Variants in ARRDC4 observed in about 807,000 individuals in gnomAD.
ARRDC4 encodes arrestin domain containing 4.
In ARRDC4, 40 loss-of-function variants were observed where a neutral mutation model predicts 44.6. That is an observed-to-expected ratio of 0.90 (90% confidence interval 0.70 to 1.17). The LOEUF is 1.17. ARRDC4 is among the 50% of genes most tolerant of loss of function. The pLI is 0.00. For missense variants in ARRDC4, 550 were observed against 559.1 expected (o/e 0.98, Z 0.16); for synonymous variants, 211 against 221.2 (o/e 0.95, Z 0.41).
At chr15:97,963,945 T>G (rs552525477) in intron 1 of ARRDC4, among the ~76,000 whole-genome samples, 1 of 152,272 alleles carries the variant, frequency 6.6e-6, no homozygotes, top group East Asian at 1.9e-4. Context: ...GCTCTGCTGC[T>G]ACCTTCCTGA....
rs16977774 is a variant in ARRDC4, at chr15:97,973,562, C to T, written c.*2375C>T. ...CTTCTTTAGTTTGAAAAAACAAAAACGTGGCCTTGGAATTTTCATTTTGAT... is the reference window on the plus strand; with the variant it reads ...CTTCTTTAGTTTGAAAAAACAAAAATGTGGCCTTGGAATTTTCATTTTGAT... On this transcript the variant is annotated 3_prime_UTR_variant, in exon 8 of 8. Coordinates refer to ENST00000268042, the MANE Select transcript of ARRDC4 (RefSeq NM_183376.3). 6 of 152,462 alleles carry T rather than the reference C, an allele frequency of 3.9e-5. No individual in the cohort carries two copies. The highest frequency in any genetic ancestry group is 8.8e-5 in the Non-Finnish European group (6 of 68,000). The allele number at this position is 152,462 out of a possible 1,614,324, so 9.4% of individuals were successfully genotyped here. A position where few individuals can be genotyped will look rare whatever the true frequency, so the allele number is the denominator to read the frequency against.
intron 1 of ARRDC4, among the ~76,000 whole-genome samples, chr15:97,963,074 A>G (rs1899348862): frequency 6.6e-6 from 1 of 152,240 alleles, no homozygotes; most frequent in South Asian, 2.1e-4. Flanking sequence ...GTCACCCACC[A>G]GCAGTGTGAC....
chr15:97,964,641 T>C (rs989682099), intron 1 of ARRDC4, among the ~76,000 whole-genome samples: 14 of 152,142 alleles, frequency 9.2e-5, no homozygotes, highest in Admixed American at 7.9e-4. Context: ...TGAAATAAAA[T>C]GGAGCTGGTA....
chr15:97,971,057 A>C (rs1480198195), intron 7 of ARRDC4, 74 bp from the exon 8 acceptor site: 24 of 1,499,566 alleles, frequency 1.6e-5, no homozygotes, highest in Middle Eastern at 1.7e-4. Flanking sequence ...TAACCATCAT[A>C]TAATTACAAA....
At chr15:97,969,458 T>C in intron 5 of ARRDC4, 79 bp downstream of exon 5, 1 of 1,505,044 alleles carries the variant, frequency 6.6e-7, no homozygotes, top group Non-Finnish European at 9.1e-7. Flanking sequence ...TATGTAGAGT[T>C]GCCTATAAAA....
rs754993418 is a variant in ARRDC4 at position 97,969,856 on chromosome 15, C to CTCTTTTTTTT, written c.883-26_883-25insCTTTTTTTTT. ...GTGTAGCTTACATTTGTTCCTTTCT[C>CTCTTTTTTTT]TTTTTTTTTTTTTTTTGGCTTATTA... is the stretch of plus-strand genomic sequence containing the variant. On this transcript the variant is annotated intron_variant, in intron 5 of 7. Transcript: ENST00000268042. The CTCTTTTTTTT allele has an allele frequency of 2.3e-5, 31 of 1,353,346 alleles. No homozygotes were observed. The African/African-American group carries it at 3.8e-4, about 16-fold the overall frequency. 83.8% of individuals were successfully genotyped at this position (1,353,346 alleles called of 1,614,324 possible).
Position 97,961,124 on chromosome 15 carries a change from T to A in ARRDC4, c.263T>A (p.Val88Glu). Residue 88 changes from valine (V) to glutamate (E), a missense_variant, in exon 1 of 8, where the codon GTG becomes GAG. Val to Glu is a moderately radical substitution (Grantham distance 121, BLOSUM62 -2). Transcript: ENST00000268042. Reference protein sequence around the residue: ...STAALAVFSEVEYLNVRLSLR... With the variant: ...STAALAVFSEEEYLNVRLSLR... Reference sequence around the variant, plus strand: ...GCGGCCCTGGCTGTCTTCTCGGAGGTGGAGTACCTGAACGTGCGCCTCAGC... The same window carrying A: ...GCGGCCCTGGCTGTCTTCTCGGAGGAGGAGTACCTGAACGTGCGCCTCAGC... 1 of 1,457,548 alleles carries A rather than the reference T, an allele frequency of 6.9e-7. No individual in the cohort carries two copies. Among genetic ancestry groups the A allele is most frequent in the South Asian group, 1.3e-5 (1 of 75,820 alleles). 90.3% of individuals were successfully genotyped at this position (1,457,548 alleles called of 1,614,324 possible).
In ARRDC4 at chr15:97,970,486, A is replaced by G. The variant is rs1224946901; in HGVS notation, c.1046-103A>G. The G allele has an allele frequency of 1.6e-6, 2 of 1,249,474 alleles. No individual in the cohort carries two copies. Among genetic ancestry groups the G allele is most frequent in the Non-Finnish European group, 2.2e-6 (2 of 906,294 alleles). The allele number at this position is 1,249,474 out of a possible 1,614,324, so 77.4% of individuals were successfully genotyped here. The stretch of plus-strand genomic sequence containing the variant: ...GCTGATTAGAGGGAAAGAATGCCAT[A>G]TTTTTTATCTTCAAGTTTAGCTGTT... On this transcript the variant is annotated intron_variant, in intron 6 of 7. Transcript: ENST00000268042. This position sits in a 1 kb window ranked among gnomAD's most constrained non-coding sequence, Gnocchi z 4.2.
At position 97,971,193 on chromosome 15, in the gene ARRDC4, T is replaced by A. The variant is rs368880331; in HGVS notation, c.*6T>A. On this transcript the variant is annotated 3_prime_UTR_variant, in exon 8 of 8. Transcript: ENST00000268042. ...CTGTTTCCTTCATTCTCTGAACGTA[T>A]TTCAGAAATCACTGTGTTCATCATC... 9.3e-6 allele frequency: 15 copies of A among 1,611,986 alleles called. No homozygotes were observed. Among genetic ancestry groups the A allele is most frequent in the Non-Finnish European group, 9.3e-6 (11 of 1,178,292 alleles).
In ARRDC4 at chr15:97,960,942, G is replaced by A. The variant is rs1899300052; in HGVS notation, c.81G>A (p.Glu27=). The change falls in exon 1 of 8, where the codon GAG becomes GAA. Residue 27 remains glutamate (E), a synonymous_variant. Transcript: ENST00000268042. ...VKSLGLVFED[E]RKGCYSSGET... is the part of the protein sequence containing the mutation. ...GCCTGGGTCTGGTGTTCGAGGACGA[G>A]CGCAAGGGCTGCTATTCCAGCGGCG... is the stretch of plus-strand genomic sequence containing the variant. 5.4e-6 allele frequency: 8 copies of A among 1,469,006 alleles called. No homozygotes were observed. The highest frequency in any genetic ancestry group is 2.6e-5 in the South Asian group (2 of 76,308). The allele number at this position is 1,469,006 out of a possible 1,614,324, so 91.0% of individuals were successfully genotyped here.
Position 97,968,248 on chromosome 15 carries a change from T to A in ARRDC4, c.625+132T>A, listed in dbSNP as rs1049786451. ...TTTTAAAACATGAATAGTGATACAT[T>A]TTTTATATAAATAATTGATATTTAA... On this transcript the variant is annotated intron_variant, in intron 4 of 7. Coordinates refer to ENST00000268042, the MANE Select transcript of ARRDC4 (RefSeq NM_183376.3). This position sits in a 1 kb window ranked among gnomAD's most constrained non-coding sequence, Gnocchi z 5.4. The A allele has an allele frequency of 3.5e-5, 15 of 430,056 alleles. No individual in the cohort carries two copies. Among genetic ancestry groups the A allele is most frequent in the Non-Finnish European group, 5.5e-5 (14 of 253,748 alleles). 26.6% of individuals were successfully genotyped at this position (430,056 alleles called of 1,614,324 possible).
In ARRDC4 at chr15:97,960,711, T is replaced by G. The variant is rs116718710; in HGVS notation, c.-151T>G. On this transcript the variant is annotated 5_prime_UTR_variant, in exon 1 of 8. Coordinates refer to ENST00000268042, the MANE Select transcript of ARRDC4 (RefSeq NM_183376.3). ...ACTGGGTTTGTTAAAGCGACAGGCC[T>G]CTCGGCGAGCCGGTGCCCCATCGGG... The G allele has an allele frequency of 1.4e-5, 9 of 640,402 alleles. No homozygotes were observed. The highest frequency in any genetic ancestry group is 4.4e-5 in the Admixed American group (1 of 22,604). 39.7% of individuals were successfully genotyped at this position (640,402 alleles called of 1,614,324 possible). A position where few individuals can be genotyped will look rare whatever the true frequency, so the allele number is the denominator to read the frequency against.
chr15:97,969,298 G>A lies in ARRDC4; in HGVS notation c.801G>A (p.Trp267Ter). 2 of 1,613,924 alleles carry A rather than the reference G, an allele frequency of 1.2e-6. No individual in the cohort carries two copies. Among genetic ancestry groups the A allele is most frequent in the Admixed American group, 3.3e-5 (2 of 59,956 alleles). The change falls in exon 5 of 8, where the codon TGG becomes TGA. Residue 267 changes from tryptophan to a stop codon, truncating the protein, a stop_gained. Coordinates refer to ENST00000268042, the MANE Select transcript of ARRDC4 (RefSeq NM_183376.3). LOFTEE classifies it high-confidence loss of function. ...TCGCTTCTGGGAGCACAGACACATG[G>A]AATGGGAAAACGCTAAAAATCCCAC... The part of the protein sequence containing the change: ...NHIASGSTDT[W>*]NGKTLKIPPV...
intron 1 of ARRDC4, among the ~76,000 whole-genome samples, 185 bp downstream of exon 1, chr15:97,961,353 G>A (rs1042833934): frequency 6.6e-6 from 1 of 152,198 alleles, no homozygotes; most frequent in Non-Finnish European, 1.5e-5. Context: ...GCTCTTCCTG[G>A]CGCCCCGCCC....
chr15:97,965,892 C>G lies in ARRDC4; in HGVS notation c.375-3C>G. ...CATAATTAATGTCTTTGGTTGGTTTCAGACCTTTGGTCACCTCGTTTACTG... is the reference window on the plus strand; with the variant it reads ...CATAATTAATGTCTTTGGTTGGTTTGAGACCTTTGGTCACCTCGTTTACTG... On this transcript the variant is annotated splice_polypyrimidine_tract_variant and splice_region_variant and intron_variant, in intron 2 of 7. Transcript: ENST00000268042. The surrounding 1 kb of genome is among the most constrained non-coding windows in gnomAD (Gnocchi z 5.1). 6.2e-7 allele frequency: 1 copy of G among 1,613,414 alleles called. No homozygotes were observed. The highest frequency in any genetic ancestry group is 1.7e-5 in the Admixed American group (1 of 59,906).
Position 97,965,973 on chromosome 15 carries a change from AC to A in ARRDC4, c.455del (p.Pro152LeufsTer5). Reference protein sequence around the residue: ...VRAVLERPKVPDQSVKRELQV... With the variant: ...VRAVLERPKVXDQSVKRELQV... ...GGGCAGTGTTGGAACGACCCAAGGT[AC>A]CTGATCAGAGTGTAAAGCGGGAACT... On this transcript the variant is annotated frameshift_variant, in exon 3 of 8. Coordinates refer to ENST00000268042, the MANE Select transcript of ARRDC4 (RefSeq NM_183376.3). LOFTEE classifies it high-confidence loss of function. This position sits in a 1 kb window ranked among gnomAD's most constrained non-coding sequence, Gnocchi z 5.1. The A allele has an allele frequency of 6.2e-7, 1 of 1,614,160 alleles. No individual in the cohort carries two copies. The highest frequency in any genetic ancestry group is 8.5e-7 in the Non-Finnish European group (1 of 1,180,006).
chr15:97,971,243 T>G lies in ARRDC4; in HGVS notation c.*56T>G. The G allele has an allele frequency of 2.0e-6, 3 of 1,536,956 alleles. No individual in the cohort carries two copies. Among genetic ancestry groups the G allele is most frequent in the Non-Finnish European group, 2.7e-6 (3 of 1,111,482 alleles). ...CAAATTAGAATGTTGGTTCTTTTCC[T>G]TCTGCCTTTTTGGGAAAGAGACAGG... is the stretch of plus-strand genomic sequence containing the variant. On this transcript the variant is annotated 3_prime_UTR_variant, in exon 8 of 8. Coordinates refer to ENST00000268042, the MANE Select transcript of ARRDC4 (RefSeq NM_183376.3).
Position 97,966,087 on chromosome 15 carries a change from TC to T in ARRDC4, c.522+48del. Reference sequence around the variant, plus strand: ...CTTCCTCCTCCTTTTCCTCCTTCCCTCCCTTCCTCCTTCCTTTCAACAGTGG... The same window carrying T: ...CTTCCTCCTCCTTTTCCTCCTTCCCTCCTTCCTCCTTCCTTTCAACAGTGG... On this transcript the variant is annotated intron_variant, in intron 3 of 7. Coordinates refer to ENST00000268042, the MANE Select transcript of ARRDC4 (RefSeq NM_183376.3). The surrounding 1 kb of genome is among the most constrained non-coding windows in gnomAD (Gnocchi z 4.7). 1 of 1,594,448 alleles carries T rather than the reference TC, an allele frequency of 6.3e-7. No homozygotes were observed. Among genetic ancestry groups the T allele is most frequent in the South Asian group, 1.1e-5 (1 of 89,208 alleles).
intron 1 of ARRDC4, among the ~76,000 whole-genome samples, chr15:97,961,552 G>A (rs962755028): frequency 2.6e-5 from 4 of 152,196 alleles, no homozygotes; most frequent in African/African-American, 4.8e-5. Flanking sequence ...TGCGGTGCCC[G>A]TGTCCTATGG....
Sources: gnomAD v4.1 joint callset for allele counts (sites outside exome capture counted in the v4.1 genomes callset) on GRCh38, gnomAD v4.1.1 for gene constraint, Gnocchi (gnomAD v3.1) non-coding constraint, MANE v1.5 for transcripts, NCBI Gene and HGNC (gene_info 2026-07-23, HGNC 2026-07-21) for gene names.